The following ENO4 variants were observed in gnomAD, a reference collection of about 807,000 sequenced individuals.
The protein encoded by ENO4 is 2-phospho-D-glycerate hydro-lyase.
A neutral mutation model predicts 63.2 loss-of-function variants in ENO4; 53 were observed. That is an observed-to-expected ratio of 0.84 (90% CI 0.67 to 1.05). ENO4 has a LOEUF of 1.05. Ranked by LOEUF, ENO4 falls within the 50% of genes least tolerant of loss-of-function variation. The pLI is 0.00. For synonymous variants in ENO4, 266 were observed against 283.8 expected (o/e 0.94, Z 0.63); for missense variants, 719 against 772.0 (o/e 0.93, Z 0.81).
intron 10 of ENO4, among the ~76,000 whole-genome samples, chr10:116,909,101 C>A (rs1388279009): frequency 2.6e-5 from 4 of 152,174 alleles, no homozygotes; most frequent in African/African-American, 9.7e-5. Context: ...ACATATAATT[C>A]CTTCACTTTA....
chr10:116,861,255 A>T, intron 6 of ENO4, 65 bp downstream of exon 6: 3 of 406,928 alleles, frequency 7.4e-6, no homozygotes, highest in Non-Finnish European at 1.1e-5. Context: ...ATATATATAT[A>T]TACTCCGTCA....
intron 10 of ENO4, among the ~76,000 whole-genome samples, chr10:116,888,788 G>A (rs1394032663): frequency 6.6e-6 from 1 of 152,126 alleles, no homozygotes; most frequent in Non-Finnish European, 1.5e-5. Context: ...ACCTTCCGAG[G>A]GTTAAAAAAA....
chr10:116,859,270 C>T, intron 4 of ENO4, 132 bp downstream of exon 4: 1 of 1,002,980 alleles, frequency 1.0e-6, no homozygotes, highest in Non-Finnish European at 1.4e-6. Context: ...GCCATCCATC[C>T]TATGCCACAT....
At chr10:116,865,923 T>A (rs759224399) in intron 7 of ENO4, among the ~76,000 whole-genome samples, 2 of 152,172 alleles carry the variant, frequency 1.3e-5, no homozygotes, top group Non-Finnish European at 2.9e-5. Context: ...CTACGTACCA[T>A]CCTGAGTGCT....
intron 7 of ENO4, among the ~76,000 whole-genome samples, chr10:116,865,276 T>C (rs1010923391): frequency 2.6e-5 from 4 of 152,010 alleles, no homozygotes; most frequent in African/African-American, 9.7e-5. Context: ...CAACCTCTGC[T>C]TTCCGGGTTC....
At chr10:116,856,124 T>A (rs1376497445) in intron 2 of ENO4, among the ~76,000 whole-genome samples, 1 of 152,198 alleles carries the variant, frequency 6.6e-6, no homozygotes, top group Non-Finnish European at 1.5e-5. Context: ...AGAAAATAAT[T>A]TACTTTAATA....
intron 10 of ENO4, among the ~76,000 whole-genome samples, chr10:116,874,598 G>A (rs1846778855): frequency 6.6e-6 from 1 of 152,124 alleles, no homozygotes; most frequent in Non-Finnish European, 1.5e-5. Flanking sequence ...ATGTGCTCAG[G>A]GGAACAGGAC....
At chr10:116,897,119 G>T (rs1298474357) in intron 10 of ENO4, among the ~76,000 whole-genome samples, 2 of 152,070 alleles carry the variant, frequency 1.3e-5, no homozygotes, top group Non-Finnish European at 2.9e-5. Context: ...CCTGGCCTGT[G>T]ATCAGGTACT....
intron 7 of ENO4, among the ~76,000 whole-genome samples, chr10:116,865,948 C>T (rs572498691): frequency 8.5e-5 from 13 of 152,162 alleles, no homozygotes; most frequent in Admixed American, 2.6e-4. Context: ...TACTTTAACT[C>T]ATTCAATCTG....
chr10:116,903,012 T>C (rs1165107812), intron 10 of ENO4, among the ~76,000 whole-genome samples: 4 of 152,160 alleles, frequency 2.6e-5, no homozygotes, highest in Non-Finnish European at 5.9e-5. Flanking sequence ...ACATATCAAC[T>C]CTAAAAATGA....
rs1230824842 is a variant in ENO4 at position 116,862,799 on chromosome 10, G to T, written c.937G>T (p.Gly313Cys). 9 of 1,549,240 alleles carry T rather than the reference G, an allele frequency of 5.8e-6. No homozygotes were observed. The South Asian group carries it at 9.5e-5, about 16-fold the overall frequency. The change falls in exon 7 of 14, where the codon GGT becomes TGT. Residue 313 changes from glycine (G) to cysteine (C), a missense_variant and splice_region_variant. Gly to Cys is a radical substitution (Grantham distance 159, BLOSUM62 -3). Around this residue, in one of 3 missense-constraint regions of ENO4, gnomAD observed 544 missense variants for 583.6 expected, o/e 0.93. Coordinates refer to ENST00000341276, the MANE Select transcript of ENO4 (RefSeq NM_001242699.2). Reference sequence around the variant, plus strand: ...AAGATCATGGTTGTTCTACTTACAGGGTGTCGAGATGCTTATGGAAATGCA... The same window carrying T: ...AAGATCATGGTTGTTCTACTTACAGTGTGTCGAGATGCTTATGGAAATGCA... ...IPHPELTTKQ[G>C]VEMLMEMQKH...
In ENO4 at chr10:116,860,838, C is replaced by G; in HGVS notation, c.679C>G (p.Pro227Ala). The change falls in exon 5 of 14, where the codon CCT (proline) becomes GCT (alanine). Residue 227 changes from proline to alanine, a missense_variant. Around this residue, in one of 3 missense-constraint regions of ENO4, gnomAD observed 544 missense variants for 583.6 expected, o/e 0.93. Transcript: ENST00000341276. The stretch of plus-strand genomic sequence containing the variant: ...AGAGAAACCTATTGCGCCTGCAGAG[C>G]CTGTTGAGCCTGTACTCAGTGGCAG... Reference protein sequence around the residue: ...ITEKPIAPAEPVEPVLSGSMA... With the variant: ...ITEKPIAPAEAVEPVLSGSMA... The G allele has an allele frequency of 2.6e-6, 4 of 1,543,568 alleles. No homozygotes were observed. Among genetic ancestry groups the G allele is most frequent in the Non-Finnish European group, 2.6e-6 (3 of 1,142,262 alleles).
chr10:116,904,436 C>A (rs1847878372), intron 10 of ENO4, among the ~76,000 whole-genome samples: 1 of 150,980 alleles, frequency 6.6e-6, no homozygotes, highest in Admixed American at 6.6e-5. Flanking sequence ...TTGTTTCCTT[C>A]CTTTTTTTTT....
chr10:116,894,806 C>G (rs918384757), intron 10 of ENO4, among the ~76,000 whole-genome samples: 8 of 152,160 alleles, frequency 5.3e-5, no homozygotes, highest in Admixed American at 2.6e-4. Context: ...AAGCTCAATT[C>G]AGACAAGCAG....
chr10:116,894,940 T>C (rs1847464441), intron 10 of ENO4, among the ~76,000 whole-genome samples: 1 of 152,220 alleles, frequency 6.6e-6, no homozygotes, highest in Admixed American at 6.5e-5. Flanking sequence ...TCTTTCTCCA[T>C]ACTGAAGGCC....
In ENO4 at chr10:116,868,687, A is replaced by G. The variant is rs1200110034; in HGVS notation, c.1028A>G (p.Asp343Gly). ...AAAGCAGAGACAAAAAAAGGGCACG[A>G]TGGAAGCAAAAGAGGTCAAGTAAGT... ...PPKAETKKGH[D>G]GSKRGQQQIT... Residue 343 changes from aspartate (D) to glycine (G), a missense_variant, in exon 8 of 14, where the codon GAT becomes GGT. Physicochemically the swap from Asp to Gly is moderately conservative, Grantham distance 94. Coordinates refer to ENST00000341276, the MANE Select transcript of ENO4 (RefSeq NM_001242699.2). The G allele has an allele frequency of 1.3e-6, 2 of 1,550,438 alleles. No homozygotes were observed. The highest frequency in any genetic ancestry group is 2.4e-5 in the East Asian group (1 of 40,924).
At chr10:116,863,397 T>C (rs970692032) in intron 7 of ENO4, among the ~76,000 whole-genome samples, 20 of 116,366 alleles carry the variant, frequency 1.7e-4, no homozygotes, top group African/African-American at 5.5e-4. Flanking sequence ...CGCACACACC[T>C]TTTATTTTGG....
At chr10:116,866,375 T>C (rs533802089) in intron 7 of ENO4, among the ~76,000 whole-genome samples, 25 of 152,320 alleles carry the variant, frequency 1.6e-4, no homozygotes, top group African/African-American at 5.8e-4. Flanking sequence ...AGTCACAAAG[T>C]TTAAGTTGTT....
At chr10:116,901,946 T>C (rs1369275859) in intron 10 of ENO4, 3 of 1,599,716 alleles carry the variant, frequency 1.9e-6, no homozygotes, top group South Asian at 2.3e-5. Flanking sequence ...GTGGCTAATA[T>C]CCCAGTTGGA....
Sources: allele counts gnomAD v4.1 joint callset (sites outside exome capture counted in the v4.1 genomes callset), GRCh38; gene constraint gnomAD v4.1.1; regional missense constraint gnomAD v4.1.1; transcripts MANE v1.5; gene names NCBI Gene and HGNC (gene_info 2026-07-23, HGNC 2026-07-21).